Variants in SH3D19 observed in about 807,000 individuals in gnomAD.
SH3D19 encodes the protein SH3 domain containing 19, also known as SH3 domain-containing protein 19.
SH3D19 carries 58 observed loss-of-function variants against 112.1 expected under a neutral mutation model. The ratio of observed to expected loss-of-function variants is 0.52; its 90% CI spans 0.42 to 0.64. The LOEUF (loss-of-function observed/expected upper bound fraction) is 0.64, where lower values mean the gene tolerates loss of function less well. Among genes scored for constraint, SH3D19 ranks in the 30% least tolerant of loss-of-function variants. SH3D19 has a pLI of 0.00. For synonymous variants in SH3D19, 391 were observed against 448.5 expected (o/e 0.87, Z 1.62); for missense variants, 1,090 against 1,263.4 (o/e 0.86, Z 2.08).
intron 2 of SH3D19, among the ~76,000 whole-genome samples, chr4:151,202,486 C>A (rs1280394394): frequency 6.6e-6 from 1 of 152,200 alleles, no homozygotes; most frequent in Admixed American, 6.5e-5. Context: ...CACTACAGTC[C>A]AGTACTAATT....
chr4:151,267,882 T>C (rs547034613), intron 1 of SH3D19, among the ~76,000 whole-genome samples: 30 of 152,086 alleles, frequency 2.0e-4, no homozygotes, highest in Non-Finnish European at 3.1e-4. Context: ...GTGGAGGAGA[T>C]GAGTGCAGTC....
intron 1 of SH3D19, among the ~76,000 whole-genome samples, chr4:151,323,665 T>C (rs2126417706): frequency 6.6e-6 from 1 of 152,310 alleles, no homozygotes; most frequent in South Asian, 2.1e-4. Flanking sequence ...AAGTACACAA[T>C]GTCATGTCTC....
In SH3D19 at chr4:151,155,054, C is replaced by T. The variant is rs76682299; in HGVS notation, c.1755+4186G>A. 2.6e-4 allele frequency among the ~76,000 whole-genome samples: 39 copies of T among 151,988 alleles called. No individual in the cohort carries two copies. The East Asian group carries it at 7.0e-3, about 27-fold the overall frequency. On this transcript the variant is annotated intron_variant, in intron 9 of 19. Transcript: ENST00000604030. ...ATTACAGGTGTGAGCCACAGTGCACCCCAATACTATTTCAATAAAGCTTTA... is the reference window on the plus strand; with the variant it reads ...ATTACAGGTGTGAGCCACAGTGCACTCCAATACTATTTCAATAAAGCTTTA...
At chr4:151,220,695 G>A (rs1318784157) in intron 2 of SH3D19, among the ~76,000 whole-genome samples, 1 of 152,182 alleles carries the variant, frequency 6.6e-6, no homozygotes, top group African/African-American at 2.4e-5. Flanking sequence ...GGGAAAAGAA[G>A]TTATAAATTC....
intron 1 of SH3D19, among the ~76,000 whole-genome samples, chr4:151,245,031 C>T (rs1231450514): frequency 1.3e-5 from 2 of 151,956 alleles, no homozygotes; most frequent in African/African-American, 4.8e-5. Context: ...GTAGTCCCAG[C>T]TATTCGGGAG....
chr4:151,311,251 C>T (rs922772964), intron 1 of SH3D19, among the ~76,000 whole-genome samples: 26 of 150,650 alleles, frequency 1.7e-4, no homozygotes, highest in Non-Finnish European at 3.3e-4. Flanking sequence ...TAATAATTAG[C>T]TTGGCATGGT....
chr4:151,133,306 G>T, intron 15 of SH3D19, 70 bp from the exon 16 acceptor site: 1 of 1,247,300 alleles, frequency 8.0e-7, no homozygotes, highest in Non-Finnish European at 1.2e-6. Context: ...CCTTCATTCA[G>T]TCTTTCAATA....
chr4:151,187,181 G>C (rs1040819029), intron 3 of SH3D19, among the ~76,000 whole-genome samples: 13 of 151,846 alleles, frequency 8.6e-5, no homozygotes, highest in African/African-American at 3.1e-4. Flanking sequence ...TATCACATTT[G>C]GGATTAAGGA....
At chr4:151,253,752 A>C (rs925345134) in intron 1 of SH3D19, among the ~76,000 whole-genome samples, 3 of 151,230 alleles carry the variant, frequency 2.0e-5, no homozygotes, top group Admixed American at 1.3e-4. Context: ...AAAAAAAAAA[A>C]AAACAAGAAA....
intron 1 of SH3D19, among the ~76,000 whole-genome samples, chr4:151,306,627 A>T (rs193058311): frequency 6.6e-6 from 1 of 152,342 alleles, no homozygotes; most frequent in African/African-American, 2.4e-5. Context: ...CTATGAGGTG[A>T]GCAATACCAA....
chr4:151,137,901 C>A (rs772466996), intron 13 of SH3D19, 39 bp from the exon 14 acceptor site: 4 of 1,540,504 alleles, frequency 2.6e-6, no homozygotes, highest in Non-Finnish European at 2.6e-6. Context: ...ATGAATCATC[C>A]TGGTTGCAGA....
intron 1 of SH3D19, among the ~76,000 whole-genome samples, chr4:151,275,678 C>G (rs889465408): frequency 6.6e-6 from 1 of 151,078 alleles, no homozygotes; most frequent in African/African-American, 2.4e-5. Context: ...CACATCACTA[C>G]ACCAGGCTAA....
At chr4:151,214,922 T>C (rs1334423243) in intron 2 of SH3D19, among the ~76,000 whole-genome samples, 11 of 126,370 alleles carry the variant, frequency 8.7e-5, no homozygotes, top group South Asian at 2.7e-4. Context: ...GATGGGGCGG[T>C]TGCCAGGCGG....
intron 1 of SH3D19, among the ~76,000 whole-genome samples, chr4:151,245,172 T>C: frequency 6.6e-6 from 1 of 150,390 alleles, no homozygotes; most frequent in Non-Finnish European, 1.5e-5. Flanking sequence ...AAAATAATAA[T>C]AATAATAATT....
intron 7 of SH3D19, 133 bp downstream of exon 7, chr4:151,174,537 A>G (rs1759603655): frequency 2.9e-6 from 2 of 698,448 alleles, no homozygotes; most frequent in Non-Finnish European, 4.3e-6. Context: ...GTTTCTATAC[A>G]CACACATGCA....
chr4:151,126,871 GAAA>G (rs78715609), intron 19 of SH3D19, among the ~76,000 whole-genome samples: 40 of 110,732 alleles, frequency 3.6e-4, no homozygotes, highest in Non-Finnish European at 5.7e-4. Context: ...TTTCTTCGGT[GAAA>G]AAAAAAAAAA....
At chr4:151,177,055 A>G (rs1760060016) in intron 4 of SH3D19, 100 bp from the exon 5 acceptor site, 1 of 1,077,154 alleles carries the variant, frequency 9.3e-7, no homozygotes, top group Non-Finnish European at 1.2e-6. Flanking sequence ...TCAACCAAAA[A>G]AGTTGTAAGA....
At chr4:151,250,491 T>A (rs1200995255) in intron 1 of SH3D19, among the ~76,000 whole-genome samples, 2 of 149,350 alleles carry the variant, frequency 1.3e-5, no homozygotes, top group East Asian at 3.9e-4. Context: ...CAAATATATA[T>A]GGATATACAG....
chr4:151,234,166 G>A (rs910693159), intron 1 of SH3D19, among the ~76,000 whole-genome samples: 4 of 152,198 alleles, frequency 2.6e-5, no homozygotes, highest in Admixed American at 6.5e-5. Context: ...AACAAAAAAC[G>A]CACAGGAAAA....
Sources: gnomAD v4.1 joint callset for allele counts (sites outside exome capture counted in the v4.1 genomes callset) on GRCh38, gnomAD v4.1.1 for gene constraint, MANE v1.5 for transcripts, NCBI Gene and HGNC (gene_info 2026-07-23, HGNC 2026-07-21) for gene names.